Variants in PHF24 observed in about 807,000 individuals in gnomAD.
PHF24 encodes PHD finger protein 24.
PHF24 carries 25 observed loss-of-function variants against 42.6 expected under a neutral mutation model. The observed-to-expected ratio is 0.59, with a 90% CI of 0.43 to 0.82. PHF24 has a LOEUF of 0.82. PHF24 is among the 40% of genes least tolerant of loss of function. The pLI is 0.00. For missense variants in PHF24, 470 were observed against 538.1 expected (o/e 0.87, Z 1.25); for synonymous variants, 185 against 204.8 (o/e 0.90, Z 0.83).
At chr9:34,745,321 G>C in the PHF24 span, among the ~76,000 whole-genome samples, 5 of 152,188 alleles carry the variant, frequency 3.3e-5, no homozygotes, top group African/African-American at 1.2e-4. Context: ...AGGACCAACA[G>C]AGTGGGCTAC....
At chr9:34,687,250 C>A in the PHF24 span, among the ~76,000 whole-genome samples, 1 of 152,164 alleles carries the variant, frequency 6.6e-6, no homozygotes, top group South Asian at 2.1e-4. Flanking sequence ...AGATTATTTT[C>A]TCTTTTTATG....
At chr9:34,846,287 C>T in the PHF24 span, among the ~76,000 whole-genome samples, 16 of 152,222 alleles carry the variant, frequency 1.1e-4, no homozygotes, top group South Asian at 2.1e-4. Context: ...TAATGATTGC[C>T]ATTCTAACTG....
At chr9:34,769,054 T>C in the PHF24 span, among the ~76,000 whole-genome samples, 2 of 152,102 alleles carry the variant, frequency 1.3e-5, no homozygotes, top group Admixed American at 6.5e-5. Flanking sequence ...AAGGAATAAA[T>C]ACCCAGAAAC....
the PHF24 span, among the ~76,000 whole-genome samples, chr9:34,773,049 G>A: frequency 6.6e-6 from 1 of 150,478 alleles, no homozygotes; most frequent in Non-Finnish European, 1.5e-5. Context: ...GGAGTGCAAC[G>A]GCGCGATCTC....
At chr9:34,862,461 G>A in the PHF24 span, among the ~76,000 whole-genome samples, 10 of 151,914 alleles carry the variant, frequency 6.6e-5, no homozygotes, top group Non-Finnish European at 1.2e-4. Flanking sequence ...GCCCAGCCAC[G>A]GTAAGATAGG....
chr9:34,682,107 T>A, the PHF24 span, among the ~76,000 whole-genome samples: 1 of 151,132 alleles, frequency 6.6e-6, no homozygotes, highest in African/African-American at 2.4e-5. Context: ...CCCAAGTAAC[T>A]GGGACTACAG....
At chr9:34,909,558 G>A in the PHF24 span, among the ~76,000 whole-genome samples, 1 of 151,810 alleles carries the variant, frequency 6.6e-6, no homozygotes, top group Non-Finnish European at 1.5e-5. Flanking sequence ...AAACACTTAA[G>A]TGAACTATTT....
chr9:34,823,152 C>T, the PHF24 span, among the ~76,000 whole-genome samples: 10 of 134,296 alleles, frequency 7.4e-5, no homozygotes, highest in Non-Finnish European at 1.2e-4. Context: ...GCCGAGATTG[C>T]GCCACTGCAG....
chr9:34,704,075 A>G, the PHF24 span, among the ~76,000 whole-genome samples: 1 of 151,802 alleles, frequency 6.6e-6, no homozygotes, highest in African/African-American at 2.4e-5. Context: ...CTCCACTATG[A>G]TCAGCTATGG....
the PHF24 span, among the ~76,000 whole-genome samples, chr9:34,704,826 C>T: frequency 1.3e-5 from 2 of 151,980 alleles, no homozygotes; most frequent in African/African-American, 4.8e-5. Context: ...CAGAGCAAGA[C>T]CCTATCTCAA....
intron 4 of PHF24, 127 bp downstream of exon 4, chr9:34,976,357 T>C: frequency 2.0e-6 from 2 of 998,626 alleles, no homozygotes; most frequent in Non-Finnish European, 3.1e-6. Flanking sequence ...TCCTTGTTCC[T>C]GAGTTGTTGG....
At chr9:34,950,265 G>A in the PHF24 span, among the ~76,000 whole-genome samples, 4 of 148,676 alleles carry the variant, frequency 2.7e-5, no homozygotes, top group South Asian at 2.1e-4. Flanking sequence ...GGGGAATCGC[G>A]TAAACCCAAG....
chr9:34,978,082 G>A (rs758968805), exon 8 of PHF24: 112 of 1,614,070 alleles, frequency 6.9e-5, no homozygotes, highest in Admixed American at 1.0e-4. Context: ...CCCCAACAGC[G>A]CAGCCATTCA....
At chr9:34,883,097 AAAAC>A in the PHF24 span, among the ~76,000 whole-genome samples, 4 of 152,350 alleles carry the variant, frequency 2.6e-5, no homozygotes, top group South Asian at 6.2e-4. Flanking sequence ...AAACCTGAGA[AAAAC>A]AAGCAATGGG....
chr9:34,874,881 C>T, the PHF24 span, among the ~76,000 whole-genome samples: 1 of 152,046 alleles, frequency 6.6e-6, no homozygotes, highest in Non-Finnish European at 1.5e-5. Flanking sequence ...TTCATACAGG[C>T]ATGCAATATG....
the PHF24 span, among the ~76,000 whole-genome samples, chr9:34,915,172 ACAGGTGCATACCAC>A: frequency 1.3e-5 from 2 of 151,696 alleles, no homozygotes; most frequent in East Asian, 3.9e-4. Context: ...AGCTGGGACT[ACAGGTGCATACCAC>A]CATGCCCTGC....
Position 34,976,246 on chromosome 9 carries a change from G to A in PHF24, c.643+16G>A, listed in dbSNP as rs747721392. On this transcript the variant is annotated intron_variant, in intron 4 of 7. Transcript: ENST00000242315. ...GTCATCCCTGGTAAGGTTGGGTGGT[G>A]CTGCATGGATGGAGAGGGGCCGGGC... The A allele has an allele frequency of 2.5e-6, 4 of 1,606,538 alleles. No homozygotes were observed. The highest frequency in any genetic ancestry group is 2.6e-6 in the Non-Finnish European group (3 of 1,173,282).
At chr9:34,781,214 A>G in the PHF24 span, among the ~76,000 whole-genome samples, 6,525 of 152,320 alleles carry the variant, frequency 0.043, 456 homozygotes, top group African/African-American at 0.15. Context: ...ACCAGAAGAT[A>G]GAAACACCCC....
chr9:34,880,899 T>G, the PHF24 span, among the ~76,000 whole-genome samples: 1 of 152,170 alleles, frequency 6.6e-6, no homozygotes, highest in African/African-American at 2.4e-5. Flanking sequence ...ATCAACAGAA[T>G]GTACATTATT....
Sources: allele counts gnomAD v4.1 joint callset (sites outside exome capture counted in the v4.1 genomes callset), GRCh38; gene constraint gnomAD v4.1.1; transcripts MANE v1.5; gene names NCBI Gene and HGNC (gene_info 2026-07-23, HGNC 2026-07-21).